Variants in CELF2 observed in about 807,000 individuals in gnomAD.
CELF2 encodes CUGBP Elav-like family member 2, also known as CUG triplet repeat RNA-binding protein 2.
CELF2 carries 8 observed loss-of-function variants against 62.6 expected under a neutral mutation model. The ratio of observed to expected loss-of-function variants is 0.13; its 90% CI spans 0.07 to 0.23. The LOEUF (loss-of-function observed/expected upper bound fraction) is 0.23, where lower values mean the gene tolerates loss of function less well. CELF2 is among the 10% of genes least tolerant of loss of function. The pLI, the probability that CELF2 is intolerant of heterozygous loss-of-function variation, is 1.00. For missense variants in CELF2, 333 were observed against 671.0 expected, an observed-to-expected ratio of 0.50 and a Z score of 5.56; for synonymous variants, 258 against 250.0, an observed-to-expected ratio of 1.03 and a Z score of -0.30.
intron 5 of CELF2, among the ~76,000 whole-genome samples, chr10:11,258,132 G>T (rs562965587): frequency 1.7e-4 from 26 of 152,326 alleles, no homozygotes; most frequent in Non-Finnish European, 1.6e-4. Context: ...CTACTGCTAG[G>T]CATCCTTTTC....
At chr10:11,294,614 G>A (rs1468820860) in intron 9 of CELF2, among the ~76,000 whole-genome samples, 1 of 152,206 alleles carries the variant, frequency 6.6e-6, no homozygotes, top group Admixed American at 6.5e-5. Flanking sequence ...TCATGTGTGG[G>A]TTTCAATCTG....
At chr10:10,865,512 G>A (rs1424928350) in intron 1 of CELF2, among the ~76,000 whole-genome samples, 1 of 152,182 alleles carries the variant, frequency 6.6e-6, no homozygotes, top group Non-Finnish European at 1.5e-5. Flanking sequence ...GTCACAACGA[G>A]TTTTATTAGC....
In CELF2 at chr10:11,165,724, C is replaced by T; in HGVS notation, c.271+42C>T. 1.9e-6 allele frequency: 3 copies of T among 1,553,392 alleles called. No individual in the cohort carries two copies. Among genetic ancestry groups the T allele is most frequent in the South Asian group, 1.2e-5 (1 of 86,528 alleles). On this transcript the variant is annotated intron_variant, in intron 2 of 12. Transcript: ENST00000633077. The surrounding 1 kb of genome is among the most constrained non-coding windows in gnomAD (Gnocchi z 7.4). ...GGGGGTCGCCAGGCGTCCAGGTGGG[C>T]GTCGCGGGGCACTGGGGCTGTCCGA...
intron 5 of CELF2, among the ~76,000 whole-genome samples, chr10:11,264,709 C>T (rs563903324): frequency 1.3e-5 from 2 of 152,320 alleles, no homozygotes; most frequent in African/African-American, 4.8e-5. Context: ...GAGGTCCTGT[C>T]CTCTGTCCCA....
the CELF2 span, among the ~76,000 whole-genome samples, chr10:10,664,993 A>C: frequency 6.6e-6 from 1 of 152,226 alleles, no homozygotes; most frequent in African/African-American, 2.4e-5. Flanking sequence ...TCAACACTGT[A>C]GTACTGGATT....
chr10:10,577,874 C>T, the CELF2 span, among the ~76,000 whole-genome samples: 1 of 152,088 alleles, frequency 6.6e-6, no homozygotes, highest in Non-Finnish European at 1.5e-5. Flanking sequence ...GGTATATACC[C>T]AGTAATGGGA....
Position 11,223,209 on chromosome 10 carries a change from C to T in CELF2, c.354+5702C>T, listed in dbSNP as rs1050803047. 7.2e-5 allele frequency among the ~76,000 whole-genome samples: 11 copies of T among 152,190 alleles called. No homozygotes were observed. Among genetic ancestry groups the T allele is most frequent in the African/African-American group, 2.7e-4 (11 of 41,442 alleles). ...GTGCGATGATGGTGAGCTCTGCTTC[C>T]CAGCATCCTCACAGTCAGGCCTGAG... is the stretch of plus-strand genomic sequence containing the variant. On this transcript the variant is annotated intron_variant, in intron 3 of 12. Transcript: ENST00000633077. The surrounding 1 kb of genome is among the most constrained non-coding windows in gnomAD (Gnocchi z 5.1).
intron 1 of CELF2, among the ~76,000 whole-genome samples, chr10:10,911,182 C>A (rs1052487554): frequency 5.9e-5 from 9 of 152,112 alleles, no homozygotes; most frequent in African/African-American, 2.2e-4. Flanking sequence ...ACGGAAGGGA[C>A]ACCAGTGCCA....
chr10:10,846,632 G>T (rs1014894943), intron 1 of CELF2, among the ~76,000 whole-genome samples: 5 of 152,090 alleles, frequency 3.3e-5, no homozygotes, highest in African/African-American at 1.2e-4. Flanking sequence ...AGCATACCAC[G>T]CAAAGCCAAT....
the CELF2 span, among the ~76,000 whole-genome samples, chr10:10,528,350 T>G: frequency 1.3e-5 from 2 of 152,198 alleles, no homozygotes; most frequent in Non-Finnish European, 2.9e-5. Context: ...TGCAGACACC[T>G]TGGCCTTCTT....
At chr10:10,497,501 T>C in the CELF2 span, among the ~76,000 whole-genome samples, 1 of 152,130 alleles carries the variant, frequency 6.6e-6, no homozygotes, top group South Asian at 2.1e-4. Context: ...CAATGTATAC[T>C]ATATATGATA....
At chr10:10,887,323 A>G (rs1457753927) in intron 1 of CELF2, among the ~76,000 whole-genome samples, 2 of 152,018 alleles carry the variant, frequency 1.3e-5, no homozygotes, top group Non-Finnish European at 2.9e-5. Flanking sequence ...GATTAATAGG[A>G]CTCTTTCACC....
chr10:10,541,578 C>T, the CELF2 span, among the ~76,000 whole-genome samples: 3 of 152,134 alleles, frequency 2.0e-5, no homozygotes, highest in African/African-American at 7.2e-5. Context: ...ACTGAGGGTT[C>T]CTCCCACTTT....
chr10:10,623,751 A>G, the CELF2 span, among the ~76,000 whole-genome samples: 1 of 152,226 alleles, frequency 6.6e-6, no homozygotes, highest in Non-Finnish European at 1.5e-5. Context: ...CTGAGCATTG[A>G]TAAGGTGCCA....
At chr10:11,133,152 A>G (rs1379731077) in intron 1 of CELF2, among the ~76,000 whole-genome samples, 1 of 152,232 alleles carries the variant, frequency 6.6e-6, no homozygotes, top group East Asian at 1.9e-4. Context: ...GAAACATAAA[A>G]GTCTAGGAAA....
At chr10:11,088,009 C>T (rs1250131698) in intron 1 of CELF2, among the ~76,000 whole-genome samples, 1 of 152,148 alleles carries the variant, frequency 6.6e-6, no homozygotes, top group African/African-American at 2.4e-5. Context: ...CACTGAATGC[C>T]CTTTAGGTAG....
chr10:10,975,632 A>G (rs138170661), intron 2 of CELF2, among the ~76,000 whole-genome samples: 1 of 152,342 alleles, frequency 6.6e-6, no homozygotes, highest in East Asian at 1.9e-4. Context: ...GTGGTTGATT[A>G]AGAGGAATCT....
At chr10:10,625,497 C>T in the CELF2 span, among the ~76,000 whole-genome samples, 12 of 151,606 alleles carry the variant, frequency 7.9e-5, no homozygotes, top group East Asian at 2.3e-3. Flanking sequence ...GAACAAAAGC[C>T]TCATGCCCTG....
At chr10:11,143,104 G>A (rs1226237041) in intron 1 of CELF2, among the ~76,000 whole-genome samples, 4 of 151,336 alleles carry the variant, frequency 2.6e-5, no homozygotes, top group Non-Finnish European at 5.9e-5. Flanking sequence ...GGGGAATCTC[G>A]CTCCCCTCGT....
Sources: gnomAD v4.1 joint callset for allele counts (sites outside exome capture counted in the v4.1 genomes callset) on GRCh38, gnomAD v4.1.1 for gene constraint, Gnocchi (gnomAD v3.1) non-coding constraint, MANE v1.5 for transcripts, NCBI Gene and HGNC (gene_info 2026-07-23, HGNC 2026-07-21) for gene names.